KMT2C: variants seen among roughly 807,000 people sequenced by gnomAD.
The protein encoded by KMT2C is lysine methyltransferase 2C, also known as histone-lysine N-methyltransferase 2C.
KMT2C carries 88 observed loss-of-function variants against 507.9 expected under a neutral mutation model. That is an observed-to-expected ratio of 0.17 (90% CI 0.15 to 0.21). KMT2C has a LOEUF of 0.21. Ranked by LOEUF, KMT2C falls within the 10% of genes least tolerant of loss-of-function variation. The pLI is 1.00. For missense variants in KMT2C, 4,954 were observed against 5,957.8 expected (o/e 0.83, Z 5.55); for synonymous variants, 2,049 against 2,080.8 (o/e 0.98, Z 0.42).
At chr7:152,187,656 T>C in intron 32 of KMT2C, 59 bp downstream of exon 32, 1 of 1,561,748 alleles carries the variant, frequency 6.4e-7, no homozygotes, top group African/African-American at 1.4e-5. Context: ...GACTAATTTA[T>C]ATATAAATCA....
At chr7:152,266,020 A>G (rs2095853047) in intron 7 of KMT2C, among the ~76,000 whole-genome samples, 1 of 152,296 alleles carries the variant, frequency 6.6e-6, no homozygotes, top group African/African-American at 2.4e-5. Context: ...AAAATAATGT[A>G]TTCTAAAATC....
At chr7:152,211,366 T>C (rs1295291338) in intron 23 of KMT2C, among the ~76,000 whole-genome samples, 1 of 152,200 alleles carries the variant, frequency 6.6e-6, no homozygotes, top group Non-Finnish European at 1.5e-5. Flanking sequence ...GAATATACGT[T>C]CCACCCAAAT....
At chr7:152,300,470 A>G (rs1460968273) in intron 6 of KMT2C, among the ~76,000 whole-genome samples, 2 of 152,212 alleles carry the variant, frequency 1.3e-5, no homozygotes, top group African/African-American at 2.4e-5. Context: ...GGGCAGTCAC[A>G]TATGTTGTTG....
At chr7:152,206,848 A>G (rs2094321630) in intron 24 of KMT2C, among the ~76,000 whole-genome samples, 1 of 152,192 alleles carries the variant, frequency 6.6e-6, no homozygotes, top group Admixed American at 6.5e-5. Context: ...AGGAGCCATA[A>G]TAACTCTGTC....
chr7:152,286,897 A>G (rs944182349), intron 6 of KMT2C, among the ~76,000 whole-genome samples: 1 of 152,252 alleles, frequency 6.6e-6, no homozygotes, highest in African/African-American at 2.4e-5. Context: ...TTGTCAAAAA[A>G]GCAGGGAAGC....
intron 55 of KMT2C, among the ~76,000 whole-genome samples, chr7:152,141,305 C>T (rs1204370013): frequency 6.6e-6 from 1 of 151,986 alleles, no homozygotes. Context: ...GTCTGGGTGA[C>T]AGAGTGAGAC....
chr7:152,234,509 C>T (rs1211422581), intron 16 of KMT2C, among the ~76,000 whole-genome samples: 3 of 152,176 alleles, frequency 2.0e-5, no homozygotes, highest in Non-Finnish European at 4.4e-5. Flanking sequence ...TACTACACAA[C>T]TTTTCCAGAA....
chr7:152,254,949 AAAAT>A (rs1163327021), intron 9 of KMT2C, among the ~76,000 whole-genome samples: 2 of 151,770 alleles, frequency 1.3e-5, no homozygotes, highest in Non-Finnish European at 2.9e-5. Context: ...TAACAGCAGA[AAAAT>A]AAATATTCAA....
At chr7:152,258,342 A>G (rs2095697160) in intron 9 of KMT2C, among the ~76,000 whole-genome samples, 1 of 152,234 alleles carries the variant, frequency 6.6e-6, no homozygotes, top group Non-Finnish European at 1.5e-5. Context: ...CTCATGAGTC[A>G]GTATTAATAA....
intron 26 of KMT2C, among the ~76,000 whole-genome samples, 158 bp downstream of exon 26, chr7:152,202,776 T>A (rs983191913): frequency 1.3e-5 from 2 of 152,176 alleles, no homozygotes; most frequent in African/African-American, 2.4e-5. Context: ...ATTTAATTTT[T>A]ATGGACCCCT....
chr7:152,202,992 TTTA>T lies in KMT2C; in HGVS notation c.4031_4033del (p.Ile1344del), dbSNP rs755206298. On this transcript the variant is annotated inframe_deletion, in exon 26 of 59. Coordinates refer to ENST00000262189, the MANE Select transcript of KMT2C (RefSeq NM_170606.3). ...ATTTTTCCTTTTTCGGTATCTCTTCTTTATTTTTTCAGTGCTTTCAGTAACAGA... is the reference window on the plus strand; with the variant it reads ...ATTTTTCCTTTTTCGGTATCTCTTCTTTTTTTCAGTGCTTTCAGTAACAGA... 1.2e-6 allele frequency: 2 copies of T among 1,610,814 alleles called. No individual in the cohort carries two copies. The highest frequency in any genetic ancestry group is 2.2e-5 in the South Asian group (2 of 90,838).
At chr7:152,336,563 A>G (rs1173778693) in intron 2 of KMT2C, among the ~76,000 whole-genome samples, 1 of 152,156 alleles carries the variant, frequency 6.6e-6, no homozygotes, top group Non-Finnish European at 1.5e-5. Flanking sequence ...ATTATTAAAA[A>G]TGTACTCTTG....
At chr7:152,354,959 G>T (rs763243687) in intron 2 of KMT2C, among the ~76,000 whole-genome samples, 2 of 152,142 alleles carry the variant, frequency 1.3e-5, no homozygotes, top group Non-Finnish European at 2.9e-5. Context: ...CTATGTGTGG[G>T]ACAAGAGTAG....
intron 2 of KMT2C, among the ~76,000 whole-genome samples, chr7:152,355,709 G>C (rs1224414398): frequency 1.3e-5 from 2 of 152,122 alleles, no homozygotes; most frequent in Non-Finnish European, 2.9e-5. Context: ...GGCAATATGA[G>C]ATCATTACAT....
At chr7:152,318,174 T>A (rs1312513201) in intron 3 of KMT2C, among the ~76,000 whole-genome samples, 5 of 151,528 alleles carry the variant, frequency 3.3e-5, no homozygotes, top group Admixed American at 6.6e-5. Flanking sequence ...ATATATACAG[T>A]GACTAAAAAA....
Position 152,181,327 on chromosome 7 carries a change from G to C in KMT2C, c.6533C>G (p.Pro2178Arg). Residue 2178 changes from proline to arginine, a missense_variant, in exon 36 of 59, where the codon CCC becomes CGC. By Grantham distance (103) the Pro-to-Arg change is moderately radical. Around this residue, in one of 29 missense-constraint regions of KMT2C, gnomAD observed 1,689 missense variants for 1,654.3 expected, o/e 1.02. Transcript: ENST00000262189. ...TTGTGTAGATGGTCTTGGGGTTTGG[G>C]GCTGCTGACTATATGGGTCAACAGT... is the stretch of plus-strand genomic sequence containing the variant. ...PTTVDPYSQQ[P>R]QTPRPSTQTD... is the part of the protein sequence containing the mutation. The C allele has an allele frequency of 6.2e-7, 1 of 1,612,850 alleles. No individual in the cohort carries two copies. The highest frequency in any genetic ancestry group is 1.1e-5 in the South Asian group (1 of 90,970).
intron 23 of KMT2C, among the ~76,000 whole-genome samples, chr7:152,216,337 T>C (rs1210382892): frequency 6.6e-6 from 1 of 152,200 alleles, no homozygotes; most frequent in African/African-American, 2.4e-5. Context: ...GATGTATGAC[T>C]TTTCTTAAGG....
intron 3 of KMT2C, among the ~76,000 whole-genome samples, chr7:152,323,564 A>C (rs2096790787): frequency 6.6e-6 from 1 of 151,170 alleles, no homozygotes; most frequent in South Asian, 2.1e-4. Context: ...GCCTGAGCCC[A>C]GGAAGTTGAG....
intron 1 of KMT2C, among the ~76,000 whole-genome samples, chr7:152,373,526 C>T (rs972330379): frequency 3.9e-5 from 6 of 152,142 alleles, no homozygotes; most frequent in African/African-American, 1.4e-4. Context: ...AACAAAGCCA[C>T]TTAATACTGG....
Sources: gnomAD v4.1 joint callset for allele counts (sites outside exome capture counted in the v4.1 genomes callset) on GRCh38, gnomAD v4.1.1 for gene constraint, gnomAD v4.1.1 regional missense constraint, MANE v1.5 for transcripts, NCBI Gene and HGNC (gene_info 2026-07-23, HGNC 2026-07-21) for gene names.